SLC17A5: variants seen among roughly 807,000 people sequenced by gnomAD.
SLC17A5 encodes the protein solute carrier family 17 member 5.
SLC17A5 carries 47 observed loss-of-function variants against 59.4 expected under a neutral mutation model. The observed-to-expected ratio is 0.79, with a 90% CI of 0.63 to 1.01. SLC17A5 has a LOEUF of 1.01. SLC17A5 is among the 50% of genes least tolerant of loss of function. The pLI, the probability that SLC17A5 is intolerant of heterozygous loss-of-function variation, is 0.00. For missense variants in SLC17A5, 522 were observed against 595.5 expected (o/e 0.88, Z 1.28); for synonymous variants, 202 against 210.7 (o/e 0.96, Z 0.36).
At chr6:73,645,139 G>T in intron 1 of SLC17A5, 1 of 165,434 alleles carries the variant, frequency 6.0e-6, no homozygotes, top group Non-Finnish European at 1.2e-5. Context: ...AAAACTATCT[G>T]AAACATGGTC....
At chr6:73,605,021 G>T (rs1163742275) in intron 9 of SLC17A5, among the ~76,000 whole-genome samples, 1 of 152,048 alleles carries the variant, frequency 6.6e-6, no homozygotes, top group African/African-American at 2.4e-5. Context: ...ATTTTGTTAA[G>T]TTTTTTAGAG....
chr6:73,615,643 A>G (rs1255538801), intron 7 of SLC17A5, among the ~76,000 whole-genome samples, 196 bp from the exon 8 acceptor site: 3 of 152,156 alleles, frequency 2.0e-5, no homozygotes. Context: ...GCAGTCCCTA[A>G]GAGTCTGTCT....
chr6:73,618,227 TTAAAATAAAATAAAATGAAATAAAA>T, intron 7 of SLC17A5: 1 of 142,006 alleles, frequency 7.0e-6, no homozygotes, highest in South Asian at 2.2e-4. Context: ...AGACTCAGTC[TTAAAATAAAATAAAATGAAATAAAA>T]TAAAATAAAA....
chr6:73,641,999 A>G, intron 2 of SLC17A5, 75 bp from the exon 3 acceptor site: 2 of 1,260,124 alleles, frequency 1.6e-6, no homozygotes, highest in Non-Finnish European at 2.3e-6. Flanking sequence ...ACTGGCATGT[A>G]AGTACATATA....
At chr6:73,623,766 C>T (rs1052080564) in intron 6 of SLC17A5, among the ~76,000 whole-genome samples, 14 of 151,078 alleles carry the variant, frequency 9.3e-5, no homozygotes, top group Admixed American at 3.3e-4. Flanking sequence ...GGCGCGATTT[C>T]GGCTCACTGC....
intron 7 of SLC17A5, chr6:73,618,596 A>G: frequency 2.0e-6 from 1 of 492,070 alleles, no homozygotes. Context: ...AAGCAGCACT[A>G]AGAGCACTCT....
intron 7 of SLC17A5, among the ~76,000 whole-genome samples, chr6:73,616,833 C>T (rs1047507030): frequency 6.6e-6 from 1 of 152,062 alleles, no homozygotes; most frequent in Non-Finnish European, 1.5e-5. Flanking sequence ...TCTCGAACTC[C>T]TGACTTCAAG....
intron 1 of SLC17A5, chr6:73,652,997 G>A: frequency 1.0e-6 from 1 of 953,362 alleles, no homozygotes; most frequent in African/African-American, 1.8e-5. Flanking sequence ...CAAATTCAGG[G>A]AAGATGCTTT....
intron 1 of SLC17A5, among the ~76,000 whole-genome samples, chr6:73,647,914 C>T (rs958243449): frequency 6.6e-6 from 1 of 152,056 alleles, no homozygotes; most frequent in Non-Finnish European, 1.5e-5. Context: ...ACTAAAAATA[C>T]AAAAATTAGC....
chr6:73,597,969 G>GA (rs767264676), intron 10 of SLC17A5, among the ~76,000 whole-genome samples: 23 of 152,010 alleles, frequency 1.5e-4, no homozygotes, highest in South Asian at 8.3e-4. Context: ...GCATTTTAAT[G>GA]AAAAAAAATC....
intron 9 of SLC17A5, among the ~76,000 whole-genome samples, chr6:73,602,451 TAACAAC>T (rs201268144): frequency 4.0e-5 from 6 of 149,988 alleles, no homozygotes; most frequent in East Asian, 3.9e-4. Context: ...AAATAAAAAT[TAACAAC>T]AACAACAACA....
At chr6:73,651,958 T>C (rs1480536130) in intron 1 of SLC17A5, among the ~76,000 whole-genome samples, 4 of 151,352 alleles carry the variant, frequency 2.6e-5, no homozygotes, top group African/African-American at 9.7e-5. Context: ...ATACACAGTA[T>C]GTATGAGCAT....
chr6:73,610,586 C>T, intron 8 of SLC17A5, 39 bp from the exon 9 acceptor site: 1 of 1,608,518 alleles, frequency 6.2e-7, no homozygotes, highest in Non-Finnish European at 8.5e-7. Context: ...AAACACCCAG[C>T]ATTAATATTT....
intron 1 of SLC17A5, chr6:73,653,487 T>C: frequency 1.0e-6 from 1 of 979,744 alleles, no homozygotes; most frequent in African/African-American, 1.8e-5. Flanking sequence ...CAGCGCCGGC[T>C]GCACCGCCGC....
chr6:73,648,428 C>T (rs1345367617), intron 1 of SLC17A5, among the ~76,000 whole-genome samples: 1 of 152,198 alleles, frequency 6.6e-6, no homozygotes, highest in African/African-American at 2.4e-5. Context: ...GTGGGTGTAA[C>T]TGAAAGTACA....
Position 73,610,447 on chromosome 6 carries a change from G to A in SLC17A5, c.1212C>T (p.Gly404=). 6.2e-7 allele frequency: 1 copy of A among 1,614,130 alleles called. No homozygotes were observed. Among genetic ancestry groups the A allele is most frequent in the Non-Finnish European group, 8.5e-7 (1 of 1,180,014 alleles). ...TGATGCTAAATCCAGAAGAGCAAAAGCCTCCCAGTGTTGTTGATATAGTTA... is the reference window on the plus strand; with the variant it reads ...TGATGCTAAATCCAGAAGAGCAAAAACCTCCCAGTGTTGTTGATATAGTTA... ...AFLTISTTLG[G]FCSSGFSINH... The change falls in exon 9 of 11, where the codon GGC becomes GGT. Residue 404 remains glycine, a synonymous_variant. Coordinates refer to ENST00000355773, the MANE Select transcript of SLC17A5 (RefSeq NM_012434.5).
intron 4 of SLC17A5, among the ~76,000 whole-genome samples, chr6:73,636,962 T>C (rs1267516485): frequency 1.3e-5 from 2 of 151,940 alleles, no homozygotes; most frequent in African/African-American, 2.4e-5. Context: ...TGCACGCCTG[T>C]AGTACCAGCT....
At chr6:73,614,448 C>G (rs1767765730) in intron 8 of SLC17A5, among the ~76,000 whole-genome samples, 1 of 152,164 alleles carries the variant, frequency 6.6e-6, no homozygotes, top group Non-Finnish European at 1.5e-5. Context: ...TATTTGGTCT[C>G]TGCCCCCGGT....
chr6:73,622,549 C>T (rs549626571), intron 6 of SLC17A5, among the ~76,000 whole-genome samples: 2 of 152,210 alleles, frequency 1.3e-5, no homozygotes, highest in East Asian at 3.9e-4. Context: ...TGATCCGACC[C>T]AAAGTGCTGG....
Sources: allele counts gnomAD v4.1 joint callset (sites outside exome capture counted in the v4.1 genomes callset), GRCh38; gene constraint gnomAD v4.1.1; transcripts MANE v1.5; gene names NCBI Gene and HGNC (gene_info 2026-07-23, HGNC 2026-07-21).